Variants in AHI1 observed in about 807,000 individuals in gnomAD.
AHI1 encodes the protein jouberin.
In AHI1, 123 loss-of-function variants were observed where a neutral mutation model predicts 149.3. The observed-to-expected ratio is 0.82, with a 90% CI of 0.71 to 0.96. The LOEUF (loss-of-function observed/expected upper bound fraction) is 0.96. Ranked by LOEUF, AHI1 falls within the 40% of genes least tolerant of loss-of-function variation. AHI1 has a pLI of 0.00. For synonymous variants in AHI1, 475 were observed against 459.8 expected (o/e 1.03, Z -0.42); for missense variants, 1,439 against 1,422.7 (o/e 1.01, Z -0.18).
chr6:135,361,683 AC>A (rs1793903456), intron 23 of AHI1, among the ~76,000 whole-genome samples: 1 of 147,980 alleles, frequency 6.8e-6, no homozygotes, highest in Non-Finnish European at 1.5e-5. Flanking sequence ...ACACACACAC[AC>A]ACACACACAC....
intron 26 of AHI1, among the ~76,000 whole-genome samples, chr6:135,316,909 T>C (rs1425864480): frequency 1.3e-5 from 2 of 152,212 alleles, no homozygotes; most frequent in African/African-American, 4.8e-5. Flanking sequence ...TATCTTACTC[T>C]GCAAGGAATG....
chr6:135,379,226 G>A (rs1192124621), intron 23 of AHI1, among the ~76,000 whole-genome samples: 1 of 152,074 alleles, frequency 6.6e-6, no homozygotes, highest in Non-Finnish European at 1.5e-5. Context: ...CAATATTCCT[G>A]TATCTCCTAT....
intron 21 of AHI1, among the ~76,000 whole-genome samples, chr6:135,409,896 G>A (rs1189917587): frequency 6.6e-6 from 1 of 152,012 alleles, no homozygotes; most frequent in African/African-American, 2.4e-5. Flanking sequence ...CACACATGCT[G>A]GTCTCTTCTT....
chr6:135,486,996 A>G (rs1794571427), intron 5 of AHI1, among the ~76,000 whole-genome samples: 1 of 151,966 alleles, frequency 6.6e-6, no homozygotes, highest in Non-Finnish European at 1.5e-5. Flanking sequence ...GAACTCCTGC[A>G]CTCAAGCAAT....
chr6:135,475,008 GAA>G (rs1454610472), intron 5 of AHI1, among the ~76,000 whole-genome samples: 1 of 152,202 alleles, frequency 6.6e-6, no homozygotes, highest in Non-Finnish European at 1.5e-5. Context: ...AAATGTTTGA[GAA>G]AAGTTACTAA....
Position 135,320,407 on chromosome 6 carries a change from G to T in AHI1, c.3329-1791C>A, listed in dbSNP as rs1317126295. Among the ~76,000 whole-genome samples, 7 of 152,282 alleles carry T rather than the reference G, an allele frequency of 4.6e-5. 1 individual carries two copies. In the South Asian group the frequency reaches 1.5e-3, roughly 32 times the overall value. On this transcript the variant is annotated intron_variant, in intron 25 of 28. Transcript: ENST00000265602. The stretch of plus-strand genomic sequence containing the variant: ...CTCATCACTGCAATATGCTTCAGAG[G>T]TCTGGCTTTGATCATCATGGAAGAA...
intron 5 of AHI1, among the ~76,000 whole-genome samples, chr6:135,473,484 AGAGAG>A (rs1792086674): frequency 6.6e-6 from 1 of 152,124 alleles, no homozygotes; most frequent in Non-Finnish European, 1.5e-5. Flanking sequence ...TTAATTTCTG[AGAGAG>A]GATACTGACA....
At chr6:135,366,529 C>G (rs1449169958) in intron 23 of AHI1, among the ~76,000 whole-genome samples, 1 of 152,132 alleles carries the variant, frequency 6.6e-6, no homozygotes, top group Non-Finnish European at 1.5e-5. Flanking sequence ...TAGTATATTT[C>G]CAGCAATTTA....
intron 28 of AHI1, among the ~76,000 whole-genome samples, chr6:135,289,402 G>A (rs1782066305): frequency 6.6e-6 from 1 of 151,962 alleles, no homozygotes; most frequent in Non-Finnish European, 1.5e-5. Flanking sequence ...GGCTGAGGCA[G>A]GAGAATCACT....
intron 26 of AHI1, among the ~76,000 whole-genome samples, chr6:135,310,322 C>T (rs1416513099): frequency 6.6e-6 from 1 of 152,202 alleles, no homozygotes; most frequent in African/African-American, 2.4e-5. Flanking sequence ...AAGAAAAACA[C>T]ATGCACATTG....
At chr6:135,430,790 G>A (rs951782698) in intron 17 of AHI1, among the ~76,000 whole-genome samples, 4 of 151,848 alleles carry the variant, frequency 2.6e-5, no homozygotes, top group African/African-American at 9.7e-5. Flanking sequence ...CATAATAACC[G>A]CATAACTCTG....
chr6:135,295,851 T>A (rs1398052318), intron 27 of AHI1, among the ~76,000 whole-genome samples: 1 of 152,212 alleles, frequency 6.6e-6, no homozygotes, highest in Non-Finnish European at 1.5e-5. Flanking sequence ...TTATTTTATT[T>A]AATTTCATTT....
At position 135,439,708 on chromosome 6, in the gene AHI1, G is replaced by T. The variant is rs570716857; in HGVS notation, c.1913-1210C>A. Among the ~76,000 whole-genome samples the T allele has an allele frequency of 1.5e-3, 222 of 152,280 alleles. 1 individual carries two copies. The highest frequency in any genetic ancestry group is 5.1e-3 in the African/African-American group (214 of 41,554). On this transcript the variant is annotated intron_variant, in intron 14 of 28. Transcript: ENST00000265602. Reference sequence around the variant, plus strand: ...ACAAAAGTAATGGCCTTTAGTGCATGGTAAGTGTTTTGTTAAGATGGAAAA... The same window carrying T: ...ACAAAAGTAATGGCCTTTAGTGCATTGTAAGTGTTTTGTTAAGATGGAAAA...
chr6:135,401,287 CTTAT>C (rs1258283458), intron 22 of AHI1, among the ~76,000 whole-genome samples: 6 of 152,120 alleles, frequency 3.9e-5, no homozygotes, highest in African/African-American at 1.2e-4. Context: ...CTGAAACTAC[CTTAT>C]TTGTTTCCTT....
Position 135,488,987 on chromosome 6 carries a change from G to C in AHI1, c.135+1636C>G, listed in dbSNP as rs150592269. ...AGAAATAAAACCCTGTAATTTCGTCGTTTGTATTAAACGACTAAATATATA... is the reference window on the plus strand; with the variant it reads ...AGAAATAAAACCCTGTAATTTCGTCCTTTGTATTAAACGACTAAATATATA... On this transcript the variant is annotated intron_variant, in intron 5 of 28. Coordinates refer to ENST00000265602, the MANE Select transcript of AHI1 (RefSeq NM_001134831.2). Among the ~76,000 whole-genome samples the C allele has an allele frequency of 6.4e-4, 98 of 152,210 alleles. 2 individuals carry two copies. The East Asian group carries it at 0.013, about 21-fold the overall frequency.
chr6:135,459,385 C>G (rs1464901762), intron 8 of AHI1, among the ~76,000 whole-genome samples: 1 of 151,936 alleles, frequency 6.6e-6, no homozygotes, highest in Non-Finnish European at 1.5e-5. Flanking sequence ...GGAATTTAGT[C>G]TTAAATGCAT....
At chr6:135,371,283 G>A (rs562434686) in intron 23 of AHI1, among the ~76,000 whole-genome samples, 1 of 152,240 alleles carries the variant, frequency 6.6e-6, no homozygotes, top group South Asian at 2.1e-4. Flanking sequence ...ATCCAAATAT[G>A]CCTTCCTTTG....
intron 4 of AHI1, 71 bp downstream of exon 4, chr6:135,492,157 T>C: frequency 7.9e-7 from 1 of 1,258,664 alleles, no homozygotes; most frequent in Non-Finnish European, 1.1e-6. Context: ...AAGAATCCCT[T>C]AAAATAAACC....
At chr6:135,346,161 G>T (rs1324660056) in intron 24 of AHI1, among the ~76,000 whole-genome samples, 1 of 152,002 alleles carries the variant, frequency 6.6e-6, no homozygotes, top group African/African-American at 2.4e-5. Flanking sequence ...GGGAAGACAG[G>T]AGTTTTACTG....
Sources: gnomAD v4.1 joint callset for allele counts (sites outside exome capture counted in the v4.1 genomes callset) on GRCh38, gnomAD v4.1.1 for gene constraint, MANE v1.5 for transcripts, NCBI Gene and HGNC (gene_info 2026-07-23, HGNC 2026-07-21) for gene names.